Variants in AK8 observed in about 807,000 individuals in gnomAD.
AK8 encodes adenylate kinase 8.
Under a neutral mutation model 54.6 loss-of-function variants are expected in AK8, and 44 were observed. The ratio of observed to expected loss-of-function variants is 0.81; its 90% CI spans 0.63 to 1.04. The LOEUF (loss-of-function observed/expected upper bound fraction) is 1.04. Among genes scored for constraint, AK8 ranks in the 50% least tolerant of loss-of-function variants. AK8 has a pLI of 0.00. For missense variants in AK8, 555 were observed against 613.6 expected (o/e 0.90, Z 1.01); for synonymous variants, 239 against 245.6 (o/e 0.97, Z 0.25).
chr9:132,797,936 T>C lies in AK8; in HGVS notation c.980-5161A>G, dbSNP rs1840252181. Among the ~76,000 whole-genome samples the C allele has an allele frequency of 5.3e-5, 8 of 152,240 alleles. No individual in the cohort carries two copies. In the South Asian group the frequency reaches 1.4e-3, roughly 28 times the overall value. ...TCACGGGCACTTGCCCACATCTGCC[T>C]GTGTTAGCAGTCCTGCGAAAGCTCC... On this transcript the variant is annotated intron_variant, in intron 10 of 12. Coordinates refer to ENST00000298545, the MANE Select transcript of AK8 (RefSeq NM_152572.3).
Position 132,748,638 on chromosome 9 carries a change from C to T in AK8, c.1122-21104G>A, listed in dbSNP as rs901979229. 2.6e-5 allele frequency among the ~76,000 whole-genome samples: 4 copies of T among 151,844 alleles called. 1 individual carries two copies. Among genetic ancestry groups the T allele is most frequent in the Non-Finnish European group, 5.9e-5 (4 of 67,906 alleles). Reference sequence around the variant, plus strand: ...GTGAATGAGCCAGGCACATTCCTGGCCTCCCACAGCTTTTACCACGTGTGT... The same window carrying T: ...GTGAATGAGCCAGGCACATTCCTGGTCTCCCACAGCTTTTACCACGTGTGT... On this transcript the variant is annotated intron_variant, in intron 11 of 12. Transcript: ENST00000298545.
At chr9:132,798,594 T>C (rs944050135) in intron 10 of AK8, among the ~76,000 whole-genome samples, 1 of 152,222 alleles carries the variant, frequency 6.6e-6, no homozygotes, top group Non-Finnish European at 1.5e-5. Context: ...CGCCAAGGGT[T>C]ACCTCTCTGG....
intron 10 of AK8, among the ~76,000 whole-genome samples, chr9:132,806,216 C>T (rs1305810109): frequency 1.3e-5 from 2 of 151,852 alleles, no homozygotes; most frequent in Non-Finnish European, 1.5e-5. Flanking sequence ...AAATTAAACT[C>T]GACGGATTCA....
At chr9:132,818,795 CTA>C (rs1841447329) in intron 9 of AK8, among the ~76,000 whole-genome samples, 2 of 151,758 alleles carry the variant, frequency 1.3e-5, no homozygotes, top group African/African-American at 2.4e-5. Context: ...GTGCAACGAG[CTA>C]TGATTGCACC....
At chr9:132,801,322 T>C (rs1027434512) in intron 10 of AK8, among the ~76,000 whole-genome samples, 2 of 152,222 alleles carry the variant, frequency 1.3e-5, no homozygotes, top group African/African-American at 2.4e-5. Flanking sequence ...CTTAGCAAAT[T>C]AGTAAAACTT....
At chr9:132,772,095 C>T (rs1387411786) in intron 11 of AK8, among the ~76,000 whole-genome samples, 1 of 152,198 alleles carries the variant, frequency 6.6e-6, no homozygotes, top group Non-Finnish European at 1.5e-5. Flanking sequence ...GTCCCTCCCA[C>T]AACACGTGGG....
rs1320233755 is a variant in AK8 at position 132,828,685 on chromosome 9, A to T, written c.444T>A (p.Ala148=). ...TGATCCCCAGGGTCTGGATCCTCAG[A>T]GCCTGCTCACGCGTCTCAGGGATGC... The part of the protein sequence containing the change: ...LDGIPETREQ[A]LRIQTLGITP... Residue 148 remains alanine (A), a synonymous_variant, in exon 6 of 13, where the codon GCT becomes GCA. Coordinates refer to ENST00000298545, the MANE Select transcript of AK8 (RefSeq NM_152572.3). 6.2e-7 allele frequency: 1 copy of T among 1,612,816 alleles called. No homozygotes were observed. The highest frequency in any genetic ancestry group is 1.3e-5 in the African/African-American group (1 of 75,026).
At position 132,760,273 on chromosome 9, in the gene AK8, C is replaced by G. The variant is rs544915129; in HGVS notation, c.1121+32361G>C. On this transcript the variant is annotated intron_variant, in intron 11 of 12. Coordinates refer to ENST00000298545, the MANE Select transcript of AK8 (RefSeq NM_152572.3). Reference sequence around the variant, plus strand: ...ATTATAGCTCACTGCAGCCCTGACTCCTGGGTTTAAGTGATCCTCCCACCT... The same window carrying G: ...ATTATAGCTCACTGCAGCCCTGACTGCTGGGTTTAAGTGATCCTCCCACCT... Among the ~76,000 whole-genome samples, 20 of 151,948 alleles carry G rather than the reference C, an allele frequency of 1.3e-4. No individual in the cohort carries two copies. The East Asian group carries it at 3.9e-3, about 29-fold the overall frequency.
At chr9:132,834,310 G>T (rs1157902429) in intron 5 of AK8, among the ~76,000 whole-genome samples, 1 of 152,130 alleles carries the variant, frequency 6.6e-6, no homozygotes, top group Admixed American at 6.5e-5. Context: ...CTACCTTGAT[G>T]AACATAAAAA....
chr9:132,729,647 T>C (rs929457134), intron 11 of AK8, among the ~76,000 whole-genome samples: 2 of 152,222 alleles, frequency 1.3e-5, no homozygotes, highest in African/African-American at 4.8e-5. Flanking sequence ...GAAGTTCCAG[T>C]GTTTGCCAGC....
intron 11 of AK8, among the ~76,000 whole-genome samples, chr9:132,748,704 T>C (rs1464836376): frequency 3.3e-5 from 5 of 151,802 alleles, no homozygotes; most frequent in Non-Finnish European, 5.9e-5. Flanking sequence ...GTACTTGGGG[T>C]TGATCTCGAT....
At chr9:132,847,344 CA>C (rs1378798789) in intron 5 of AK8, among the ~76,000 whole-genome samples, 16 of 152,228 alleles carry the variant, frequency 1.1e-4, no homozygotes, top group African/African-American at 3.9e-4. Flanking sequence ...TTTCGTTTGG[CA>C]GGGGCAGTGA....
At chr9:132,846,654 G>A (rs1009417665) in intron 5 of AK8, among the ~76,000 whole-genome samples, 3 of 152,210 alleles carry the variant, frequency 2.0e-5, no homozygotes, top group African/African-American at 7.2e-5. Context: ...GTGGCATGGG[G>A]ACACGTTGGG....
chr9:132,797,624 T>C (rs1392113584), intron 10 of AK8, among the ~76,000 whole-genome samples: 1 of 152,204 alleles, frequency 6.6e-6, no homozygotes, highest in African/African-American at 2.4e-5. Context: ...CACGTGAGGT[T>C]CATTATACTA....
chr9:132,757,851 C>T (rs1363379724), intron 11 of AK8, among the ~76,000 whole-genome samples: 2 of 152,152 alleles, frequency 1.3e-5, no homozygotes, highest in Non-Finnish European at 2.9e-5. Flanking sequence ...ATCATTGATC[C>T]TAAGGGAGGG....
intron 11 of AK8, among the ~76,000 whole-genome samples, chr9:132,750,862 G>GGTCA (rs1400786772): frequency 1.3e-5 from 2 of 152,108 alleles, no homozygotes; most frequent in South Asian, 4.2e-4. Context: ...TGGGGGTAAA[G>GGTCA]GTCACCGCCT....
At chr9:132,828,118 T>C (rs1841951501) in intron 6 of AK8, 34 bp from the exon 7 acceptor site, 2 of 1,551,212 alleles carry the variant, frequency 1.3e-6, no homozygotes, top group African/African-American at 1.4e-5. Flanking sequence ...AAACCAGGCA[T>C]GTCGGGCAGC....
intron 5 of AK8, among the ~76,000 whole-genome samples, chr9:132,846,522 T>C (rs543492274): frequency 6.7e-6 from 1 of 150,356 alleles, no homozygotes; most frequent in African/African-American, 2.4e-5. Flanking sequence ...AATGAATGAA[T>C]GAATGAATGA....
At chr9:132,738,057 CTTTT>C (rs34835031) in intron 11 of AK8, among the ~76,000 whole-genome samples, 2 of 144,314 alleles carry the variant, frequency 1.4e-5, no homozygotes, top group Non-Finnish European at 1.5e-5. Context: ...TGCTGAATTA[CTTTT>C]TTTTTTTTTT....
Sources: allele counts gnomAD v4.1 joint callset (sites outside exome capture counted in the v4.1 genomes callset), GRCh38; gene constraint gnomAD v4.1.1; transcripts MANE v1.5; gene names NCBI Gene and HGNC (gene_info 2026-07-23, HGNC 2026-07-21).